The following LRPAP1 variants were observed in gnomAD, a reference collection of about 807,000 sequenced individuals.
LRPAP1 encodes the protein alpha-2-macroglobulin receptor-associated protein.
In LRPAP1, 41 loss-of-function variants were observed where a neutral mutation model predicts 39.9. The ratio of observed to expected loss-of-function variants is 1.03; its 90% confidence interval spans 0.80 to 1.33. LRPAP1 has a LOEUF of 1.33. Among genes scored for constraint, LRPAP1 ranks in the 40% most tolerant of loss-of-function variants. The pLI, the probability that LRPAP1 is intolerant of heterozygous loss-of-function variation, is 0.00. For synonymous variants in LRPAP1, 263 were observed against 212.7 expected, an observed-to-expected ratio of 1.24 and a Z score of -2.06; for missense variants, 565 against 482.3, an observed-to-expected ratio of 1.17 and a Z score of -1.61.
Position 3,532,161 on chromosome 4 carries a change from CGGCCCCCGCCCCCA to C in LRPAP1, c.204+34_204+47del, listed in dbSNP as rs1434314671. 9 of 1,539,552 alleles carry C rather than the reference CGGCCCCCGCCCCCA, an allele frequency of 5.8e-6. No homozygotes were observed. The Admixed American group carries it at 1.8e-4, about 30-fold the overall frequency. On this transcript the variant is annotated intron_variant, in intron 1 of 7. Coordinates refer to ENST00000650182, the MANE Select transcript of LRPAP1 (RefSeq NM_002337.4). ...GGCCCCGCTCCAACGACCCCAACCA[CGGCCCCCGCCCCCA>C]GGCCCCGCTCCACCGACCGCGGGCC...
intron 5 of LRPAP1, 98 bp from the exon 6 acceptor site, chr4:3,516,296 G>C: frequency 1.0e-6 from 1 of 963,804 alleles, no homozygotes; most frequent in Non-Finnish European, 1.6e-6. Flanking sequence ...AGCCTATGAG[G>C]GTTTGCAGGC....
chr4:3,528,688 T>C (rs905651643), intron 1 of LRPAP1, among the ~76,000 whole-genome samples: 3 of 152,344 alleles, frequency 2.0e-5, no homozygotes, highest in East Asian at 3.9e-4. Context: ...CAAGGCTTCC[T>C]GGCACGCTGT....
At position 3,504,759 on chromosome 4, in the gene LRPAP1, A is replaced by C. The variant is rs932208839; in HGVS notation, c.*8215T>G. On this transcript the variant is annotated 3_prime_UTR_variant, in exon 8 of 8. Coordinates refer to ENST00000650182, the MANE Select transcript of LRPAP1 (RefSeq NM_002337.4). ...AGATTCCATCTCAAAAAAAAAAAAAAAAAAACCAAAAAACAAAACACACAC... is the reference window on the plus strand; with the variant it reads ...AGATTCCATCTCAAAAAAAAAAAAACAAAAACCAAAAAACAAAACACACAC... 3.0e-4 allele frequency among the ~76,000 whole-genome samples: 46 copies of C among 151,186 alleles called. 1 individual carries two copies. The highest frequency in any genetic ancestry group is 9.0e-4 in the African/African-American group (37 of 41,144).
chr4:3,520,706 T>C lies in LRPAP1; in HGVS notation c.350-513A>G, dbSNP rs1202688604. Among the ~76,000 whole-genome samples the C allele has an allele frequency of 2.6e-5, 4 of 152,310 alleles. No individual in the cohort carries two copies. In the East Asian group the frequency reaches 7.7e-4, roughly 29 times the overall value. On this transcript the variant is annotated intron_variant, in intron 2 of 7. Coordinates refer to ENST00000650182, the MANE Select transcript of LRPAP1 (RefSeq NM_002337.4). ...TTTCTGACAGCACACATCTTATATT[T>C]ATTGGGAGGAAAAACAGTTTCTAAA...
At position 3,504,745 on chromosome 4, in the gene LRPAP1, C is replaced by CAAA. The variant is rs71180190; in HGVS notation, c.*8226_*8228dup. Among the ~76,000 whole-genome samples the CAAA allele has an allele frequency of 1.9e-4, 17 of 87,282 alleles. No homozygotes were observed. Among genetic ancestry groups the CAAA allele is most frequent in the Admixed American group, 1.5e-3 (12 of 7,880 alleles). The allele number at this position is 87,282 out of a possible 152,430, so 57.3% of individuals were successfully genotyped here. A position where few individuals can be genotyped will look rare whatever the true frequency, so the allele number is the denominator to read the frequency against. On this transcript the variant is annotated 3_prime_UTR_variant, in exon 8 of 8. Coordinates refer to ENST00000650182, the MANE Select transcript of LRPAP1 (RefSeq NM_002337.4). Reference sequence around the variant, plus strand: ...AGCCTGAGCAATTGAGATTCCATCTCAAAAAAAAAAAAAAAAAAACCAAAA... The same window carrying CAAA: ...AGCCTGAGCAATTGAGATTCCATCTCAAAAAAAAAAAAAAAAAAAAAACCAAAA...
intron 5 of LRPAP1, chr4:3,517,817 C>T (rs1294793053): frequency 2.0e-6 from 1 of 502,540 alleles, no homozygotes; most frequent in Non-Finnish European, 3.4e-6. Flanking sequence ...CTCTGCTAGT[C>T]TCCAGGTACA....
At chr4:3,521,010 T>A (rs73197138) in intron 2 of LRPAP1, among the ~76,000 whole-genome samples, 1 of 152,212 alleles carries the variant, frequency 6.6e-6, no homozygotes, top group Non-Finnish European at 1.5e-5. Flanking sequence ...GAGCAGAGCC[T>A]GGGGGCTGGC....
chr4:3,517,922 T>C, intron 5 of LRPAP1, 112 bp downstream of exon 5: 1 of 1,378,436 alleles, frequency 7.3e-7, no homozygotes, highest in Non-Finnish European at 9.8e-7. Context: ...GGGTCTCCGC[T>C]GCGTCCACAG....
At chr4:3,517,505 C>T (rs1263345457) in intron 5 of LRPAP1, among the ~76,000 whole-genome samples, 5 of 152,216 alleles carry the variant, frequency 3.3e-5, no homozygotes, top group Admixed American at 6.5e-5. Flanking sequence ...GTACACCCTG[C>T]ACAAGGCTCT....
chr4:3,522,731 C>T (rs1234916670), intron 2 of LRPAP1, among the ~76,000 whole-genome samples: 4 of 151,368 alleles, frequency 2.6e-5, no homozygotes, highest in Admixed American at 2.6e-4. Context: ...GGAGGACGGA[C>T]GCCGCCCCAC....
rs1376003304 is a variant in LRPAP1, at chr4:3,516,648, T to C, written c.752-450A>G. On this transcript the variant is annotated intron_variant, in intron 5 of 7. Transcript: ENST00000650182. ...GTCCTGCTCAGGGTCTCCAGCAGGA[T>C]GTTGTGCTCGTGAAAGTCAAACATT... is the stretch of plus-strand genomic sequence containing the variant. 5.9e-5 allele frequency among the ~76,000 whole-genome samples: 9 copies of C among 152,318 alleles called. 1 individual carries two copies. The South Asian group carries it at 1.7e-3, about 28-fold the overall frequency.
rs552184147 is a variant in LRPAP1 at position 3,504,566 on chromosome 4, A to G, written c.*8408T>C. ...GGAGTTCGAGACCAGCCTGGCCAAC[A>G]TGGTGAAACCCTGTCTCTACTAAAA... On this transcript the variant is annotated 3_prime_UTR_variant, in exon 8 of 8. Coordinates refer to ENST00000650182, the MANE Select transcript of LRPAP1 (RefSeq NM_002337.4). 7.2e-5 allele frequency: 11 copies of G among 152,274 alleles called. No homozygotes were observed. Among genetic ancestry groups the G allele is most frequent in the African/African-American group, 2.4e-4 (10 of 41,560 alleles). The allele number at this position is 152,274 out of a possible 1,614,324, so 9.4% of individuals were successfully genotyped here. A position where few individuals can be genotyped will look rare whatever the true frequency, so the allele number is the denominator to read the frequency against.
intron 1 of LRPAP1, among the ~76,000 whole-genome samples, chr4:3,530,784 G>A (rs1359193232): frequency 6.6e-6 from 1 of 152,232 alleles, no homozygotes; most frequent in Non-Finnish European, 1.5e-5. Context: ...GAGGTAAGGT[G>A]GAGCGCACCA....
intron 5 of LRPAP1, among the ~76,000 whole-genome samples, chr4:3,516,578 C>G (rs1729713303): frequency 6.6e-6 from 1 of 152,240 alleles, no homozygotes; most frequent in Non-Finnish European, 1.5e-5. Context: ...GGGGCACCTG[C>G]AAGTTCAGCC....
At chr4:3,525,934 C>T (rs1181239217) in intron 1 of LRPAP1, among the ~76,000 whole-genome samples, 3 of 152,276 alleles carry the variant, frequency 2.0e-5, no homozygotes, top group African/African-American at 7.2e-5. Context: ...CAACTCTGGC[C>T]TCGGGGCTGG....
intron 1 of LRPAP1, among the ~76,000 whole-genome samples, chr4:3,525,794 G>A (rs766208554): frequency 2.0e-5 from 3 of 152,186 alleles, no homozygotes; most frequent in Admixed American, 6.5e-5. Flanking sequence ...TGAGGTGACC[G>A]CTGGGCACAC....
Position 3,516,273 on chromosome 4 carries a change from T to G in LRPAP1, c.752-75A>C, listed in dbSNP as rs1729699580. The G allele has an allele frequency of 7.1e-6, 8 of 1,125,850 alleles. No homozygotes were observed. In the East Asian group the frequency reaches 2.3e-4, roughly 32 times the overall value. The allele number at this position is 1,125,850 out of a possible 1,614,324, so 69.7% of individuals were successfully genotyped here. A position where few individuals can be genotyped will look rare whatever the true frequency, so the allele number is the denominator to read the frequency against. On this transcript the variant is annotated intron_variant, in intron 5 of 7. Transcript: ENST00000650182. ...ACAGCCAGCCCCGCGGCAACCACGCTGAGTGTGCGTGGAGCCTATGAGGGT... is the reference window on the plus strand; with the variant it reads ...ACAGCCAGCCCCGCGGCAACCACGCGGAGTGTGCGTGGAGCCTATGAGGGT...
At chr4:3,521,740 A>G (rs1729916180) in intron 2 of LRPAP1, among the ~76,000 whole-genome samples, 1 of 152,230 alleles carries the variant, frequency 6.6e-6, no homozygotes, top group African/African-American at 2.4e-5. Context: ...TCCTGACAGC[A>G]GTCAAGAGCT....
chr4:3,522,475 G>C (rs891960157), intron 2 of LRPAP1, among the ~76,000 whole-genome samples: 1 of 129,312 alleles, frequency 7.7e-6, no homozygotes, highest in Non-Finnish European at 1.7e-5. Context: ...AGCCCTTAGA[G>C]CTCCTGGGGA....
Sources: gnomAD v4.1 joint callset for allele counts (sites outside exome capture counted in the v4.1 genomes callset) on GRCh38, gnomAD v4.1.1 for gene constraint, MANE v1.5 for transcripts, NCBI Gene and HGNC (gene_info 2026-07-23, HGNC 2026-07-21) for gene names.